Variants in TMEM87A observed in about 807,000 individuals in gnomAD.
The protein encoded by TMEM87A is Golgi-pH regulating cation channel.
TMEM87A carries 50 observed loss-of-function variants against 90.0 expected under a neutral mutation model. The observed-to-expected ratio is 0.56, with a 90% CI of 0.44 to 0.70. TMEM87A has a LOEUF of 0.70. TMEM87A is among the 30% of genes least tolerant of loss of function. The pLI is 0.00. For synonymous variants in TMEM87A, 226 were observed against 226.7 expected (o/e 1.00, Z 0.03); for missense variants, 577 against 660.5 (o/e 0.87, Z 1.39).
At position 42,268,028 on chromosome 15, in the gene TMEM87A, A is replaced by C. The variant is rs781017206; in HGVS notation, c.210T>G (p.Asp70Glu). 5 of 1,612,008 alleles carry C rather than the reference A, an allele frequency of 3.1e-6. No homozygotes were observed. The highest frequency in any genetic ancestry group is 4.2e-6 in the Non-Finnish European group (5 of 1,178,872). The change falls in exon 3 of 20, where the codon GAT becomes GAG. Residue 70 changes from aspartate to glutamate, a missense_variant. Transcript: ENST00000389834. ...FRNTTIFLKFDGEPCDLSLNI... is the reference protein window; with the variant it reads ...FRNTTIFLKFEGEPCDLSLNI... ...TCAAAGACAGGTCACAAGGTTCTCCATCAACTACAAAAGAAGAAATCTTTG... is the reference window on the plus strand; with the variant it reads ...TCAAAGACAGGTCACAAGGTTCTCCCTCAACTACAAAAGAAGAAATCTTTG...
chr15:42,242,157 G>C (rs59138723), intron 7 of TMEM87A, among the ~76,000 whole-genome samples: 21,958 of 151,336 alleles, frequency 0.15, 2,780 homozygotes, highest in African/African-American at 0.32. Context: ...AATCAAAACA[G>C]AAACTCAAAA....
chr15:42,259,554 C>T (rs985065199), intron 6 of TMEM87A, among the ~76,000 whole-genome samples: 1 of 152,172 alleles, frequency 6.6e-6, no homozygotes, highest in Non-Finnish European at 1.5e-5. Flanking sequence ...GAACAGCAAT[C>T]CTTCAAGATC....
At chr15:42,243,303 A>C (rs934344765) in intron 7 of TMEM87A, among the ~76,000 whole-genome samples, 5 of 106,940 alleles carry the variant, frequency 4.7e-5, no homozygotes, top group Non-Finnish European at 7.5e-5. Context: ...TAAATAAATA[A>C]ATAAATAAAT....
rs762827770 is a variant in TMEM87A at position 42,233,267 on chromosome 15, T to C, written c.1008A>G (p.Ala336=). 3.7e-6 allele frequency: 6 copies of C among 1,614,048 alleles called. No individual in the cohort carries two copies. Among genetic ancestry groups the C allele is most frequent in the Non-Finnish European group, 5.1e-6 (6 of 1,179,988 alleles). Residue 336 remains alanine, a synonymous_variant, in exon 11 of 20, where the codon GCA becomes GCG. Transcript: ENST00000389834. ...CAGAGAACAAAAGATAGAGGGCTCC[T>C]GCTACTACAACCTTATGAAGAGTGA... The part of the protein sequence containing the change: ...LGVTLHKVVV[A]GALYLLFSGM...
At chr15:42,262,438 CTTTTT>C (rs146641481) in intron 4 of TMEM87A, among the ~76,000 whole-genome samples, 45 of 125,838 alleles carry the variant, frequency 3.6e-4, no homozygotes, top group Non-Finnish European at 5.7e-4. Flanking sequence ...TCAATTATCC[CTTTTT>C]TTTTTTTTTT....
chr15:42,226,586 G>A, intron 15 of TMEM87A: 1 of 495,036 alleles, frequency 2.0e-6, no homozygotes, highest in Non-Finnish European at 3.6e-6. Flanking sequence ...TTCCCCCTCA[G>A]TATATAGAAA....
At position 42,244,067 on chromosome 15, in the gene TMEM87A, A is replaced by G; in HGVS notation, c.605T>C (p.Leu202Pro). 5 of 1,568,384 alleles carry G rather than the reference A, an allele frequency of 3.2e-6. No individual in the cohort carries two copies. Among genetic ancestry groups the G allele is most frequent in the Middle Eastern group, 1.7e-4 (1 of 5,840 alleles). Residue 202 changes from leucine to proline, a missense_variant, in exon 7 of 20, where the codon CTG becomes CCG. Coordinates refer to ENST00000389834, the MANE Select transcript of TMEM87A (RefSeq NM_015497.5). ...GAACTTACTGGTAAAAAGATTACTC[A>G]GTGAATTTTCTTTTGATGATTCCTT... ...SSKESSKENS[L>P]SNLFTMTVEV...
At chr15:42,218,241 G>T in intron 18 of TMEM87A, 82 bp downstream of exon 18, 1 of 1,343,370 alleles carries the variant, frequency 7.4e-7, no homozygotes, top group Non-Finnish European at 1.1e-6. Context: ...ATTTTCATGA[G>T]TATAACTTGC....
chr15:42,234,066 G>GCCACT (rs1404569502), intron 10 of TMEM87A, among the ~76,000 whole-genome samples: 1 of 151,912 alleles, frequency 6.6e-6, no homozygotes, highest in Non-Finnish European at 1.5e-5. Context: ...ACAGGCATGA[G>GCCACT]CCACTGTGCC....
At chr15:42,246,628 CT>C (rs1363633397) in intron 6 of TMEM87A, among the ~76,000 whole-genome samples, 2 of 152,130 alleles carry the variant, frequency 1.3e-5, no homozygotes, top group South Asian at 4.1e-4. Context: ...TGAACTCATC[CT>C]TTTTTATGGC....
intron 15 of TMEM87A, among the ~76,000 whole-genome samples, chr15:42,226,253 G>T (rs1441363786): frequency 6.6e-6 from 1 of 151,736 alleles, no homozygotes; most frequent in Non-Finnish European, 1.5e-5. Flanking sequence ...AACTGCCTTG[G>T]CCTCCCAAAG....
Position 42,222,076 on chromosome 15 carries a change from T to C in TMEM87A, c.1404-1941A>G, listed in dbSNP as rs570990533. Among the ~76,000 whole-genome samples the C allele has an allele frequency of 3.2e-4, 48 of 152,210 alleles. 1 individual carries two copies. In the South Asian group the frequency reaches 1.0e-2, roughly 32 times the overall value. ...GGCCAAATGTTTTTTTGGTTGTTTT[T>C]TTTGAGAAAGAGTTTCACTCGTTGT... On this transcript the variant is annotated intron_variant, in intron 15 of 19. Coordinates refer to ENST00000389834, the MANE Select transcript of TMEM87A (RefSeq NM_015497.5).
rs762139435 is a variant in TMEM87A at position 42,239,693 on chromosome 15, G to C, written c.661C>G (p.Leu221Val). 6.2e-7 allele frequency: 1 copy of C among 1,613,922 alleles called. No individual in the cohort carries two copies. Among genetic ancestry groups the C allele is most frequent in the South Asian group, 1.1e-5 (1 of 91,082 alleles). ...EVKGPYEYLT[L>V]EDYPLMIFFM... ...ACAATCATCAAGGGATAGTCTTCAAGTGTGAGGTATTCATAGGGACCCTTC... is the reference window on the plus strand; with the variant it reads ...ACAATCATCAAGGGATAGTCTTCAACTGTGAGGTATTCATAGGGACCCTTC... Residue 221 changes from leucine to valine, a missense_variant, in exon 8 of 20, where the codon CTT becomes GTT. Transcript: ENST00000389834.
intron 6 of TMEM87A, among the ~76,000 whole-genome samples, chr15:42,260,380 A>G (rs1183938248): frequency 6.6e-6 from 1 of 152,188 alleles, no homozygotes; most frequent in African/African-American, 2.4e-5. Flanking sequence ...TCAAAAAACG[A>G]AACAAAACAT....
chr15:42,219,723 T>G, intron 16 of TMEM87A, 81 bp from the exon 17 acceptor site: 1 of 964,336 alleles, frequency 1.0e-6, no homozygotes, highest in Non-Finnish European at 1.5e-6. Context: ...GAACTTTTTC[T>G]TTTTTTAAAT....
chr15:42,258,409 G>C, intron 6 of TMEM87A: 1 of 671,872 alleles, frequency 1.5e-6, no homozygotes, highest in Non-Finnish European at 1.8e-6. Flanking sequence ...CTATTAGTAA[G>C]AGAAAATCCA....
upstream of TMEM87A, chr15:42,273,522 T>A: frequency 6.8e-7 from 1 of 1,478,496 alleles, no homozygotes; most frequent in Non-Finnish European, 9.0e-7. Context: ...GCTTGTTTGC[T>A]GTGCGGCGTA....
chr15:42,233,071 T>C, intron 11 of TMEM87A, 142 bp downstream of exon 11: 1 of 588,016 alleles, frequency 1.7e-6, no homozygotes, highest in Non-Finnish European at 3.0e-6. Flanking sequence ...GAACATGAAC[T>C]ATACATATAT....
At chr15:42,273,043 G>A in intron 1 of TMEM87A, 1 of 679,916 alleles carries the variant, frequency 1.5e-6, no homozygotes, top group Non-Finnish European at 2.6e-6. Flanking sequence ...TTCTGTTGCT[G>A]AAGTGGCCCT....
Sources: gnomAD v4.1 joint callset for allele counts (sites outside exome capture counted in the v4.1 genomes callset) on GRCh38, gnomAD v4.1.1 for gene constraint, MANE v1.5 for transcripts, NCBI Gene and HGNC (gene_info 2026-07-23, HGNC 2026-07-21) for gene names.